FMNL2: variants seen among roughly 807,000 people sequenced by gnomAD.
FMNL2 encodes formin-like protein 2.
FMNL2 carries 51 observed loss-of-function variants against 130.2 expected under a neutral mutation model. That is an observed-to-expected ratio of 0.39 (90% CI 0.31 to 0.49). FMNL2 has a LOEUF of 0.49. Among genes scored for constraint, FMNL2 ranks in the 20% least tolerant of loss-of-function variants. The pLI is 0.85. For synonymous variants in FMNL2, 465 were observed against 467.1 expected, an observed-to-expected ratio of 1.00 and a Z score of 0.06; for missense variants, 977 against 1,316.2, an observed-to-expected ratio of 0.74 and a Z score of 3.99.
In FMNL2 at chr2:152,629,731, G is replaced by T; in HGVS notation, c.2469+7G>T. 1 of 1,601,172 alleles carries T rather than the reference G, an allele frequency of 6.2e-7. No homozygotes were observed. The highest frequency in any genetic ancestry group is 1.1e-5 in the South Asian group (1 of 88,978). On this transcript the variant is annotated splice_region_variant and intron_variant, in intron 19 of 25. Coordinates refer to ENST00000288670, the MANE Select transcript of FMNL2 (RefSeq NM_052905.4). ...ACTCAAGAAAATTCTGGAGGCAAGT[G>T]CAGTTTTTCTTGTAGGTATGAAGGA...
chr2:152,508,227 G>A (rs1174898201), intron 1 of FMNL2, among the ~76,000 whole-genome samples: 2 of 152,150 alleles, frequency 1.3e-5, no homozygotes, highest in Non-Finnish European at 2.9e-5. Flanking sequence ...ACAGACCCCC[G>A]AGATAGGATG....
chr2:152,512,586 A>G (rs1579850097), intron 1 of FMNL2, among the ~76,000 whole-genome samples: 1 of 152,208 alleles, frequency 6.6e-6, no homozygotes, highest in Non-Finnish European at 1.5e-5. Context: ...AAATATGTAC[A>G]TAGTGAGCTC....
At chr2:152,616,485 C>T (rs1698958165) in intron 12 of FMNL2, among the ~76,000 whole-genome samples, 1 of 151,916 alleles carries the variant, frequency 6.6e-6, no homozygotes, top group Non-Finnish European at 1.5e-5. Flanking sequence ...TGTACTCCAC[C>T]ACACCTGGCT....
chr2:152,472,125 G>A (rs914663529), intron 1 of FMNL2, among the ~76,000 whole-genome samples: 1 of 152,266 alleles, frequency 6.6e-6, no homozygotes, highest in Admixed American at 6.5e-5. Flanking sequence ...TCATTGCTTC[G>A]ATTAATATAG....
chr2:152,524,777 G>GT lies in FMNL2; in HGVS notation c.201+2752dup, dbSNP rs1693293481. Among the ~76,000 whole-genome samples the GT allele has an allele frequency of 2.6e-5, 4 of 152,142 alleles. No homozygotes were observed. The South Asian group carries it at 8.3e-4, about 31-fold the overall frequency. ...GGTTTTGGAGCTTTGGCCATTTCCC[G>GT]TAAGTTTAGAACTCTTAGCACAGTG... On this transcript the variant is annotated intron_variant, in intron 2 of 25. Coordinates refer to ENST00000288670, the MANE Select transcript of FMNL2 (RefSeq NM_052905.4).
intron 1 of FMNL2, among the ~76,000 whole-genome samples, chr2:152,453,711 T>C (rs1688783655): frequency 1.3e-5 from 2 of 152,296 alleles, no homozygotes; most frequent in Admixed American, 1.3e-4. Context: ...CTAATTTAGA[T>C]TGTATGCCAT....
intron 1 of FMNL2, among the ~76,000 whole-genome samples, chr2:152,504,570 T>C (rs12992900): frequency 0.12 from 17,581 of 152,138 alleles, 1,583 homozygotes; most frequent in Admixed American, 0.23. Context: ...AAAAACCTGT[T>C]TAGTGTCTCT....
chr2:152,624,197 AC>A (rs1681605355), intron 15 of FMNL2, among the ~76,000 whole-genome samples: 1 of 145,308 alleles, frequency 6.9e-6, no homozygotes, highest in Admixed American at 6.8e-5. Context: ...CGCTCTTGTT[AC>A]CCAGGCTAGA....
rs545180475 is a variant in FMNL2, at chr2:152,613,957, A to T, written c.1063-894A>T. 5.9e-5 allele frequency among the ~76,000 whole-genome samples: 9 copies of T among 152,310 alleles called. No homozygotes were observed. In the South Asian group the frequency reaches 1.7e-3, roughly 28 times the overall value. On this transcript the variant is annotated intron_variant, in intron 11 of 25. Transcript: ENST00000288670. ...GCAGTGAATTGGGGAAAGCTTTCTG[A>T]TCTGCCTTGGGGAGCCCTGAGCTGT...
chr2:152,647,849 C>G lies in FMNL2; in HGVS notation c.3223C>G (p.Arg1075Gly). ...CGATGCGGTGAGGAGAAGCGTCAGG[C>G]GGCGCTTTGATGATCAGAACTTGCG... ...RADAVRRSVR[R>G]RFDDQNLRSV... The change falls in exon 26 of 26, where the codon CGG becomes GGG. Residue 1075 changes from arginine (R) to glycine (G), a missense_variant. Arg to Gly is a moderately radical substitution (Grantham distance 125). Around this residue, in one of 4 missense-constraint regions of FMNL2, gnomAD observed 168 missense variants for 168.8 expected, o/e 1.00. Transcript: ENST00000288670. The G allele has an allele frequency of 6.2e-7, 1 of 1,613,898 alleles. No individual in the cohort carries two copies. The highest frequency in any genetic ancestry group is 8.5e-7 in the Non-Finnish European group (1 of 1,179,852).
intron 1 of FMNL2, among the ~76,000 whole-genome samples, chr2:152,493,755 C>T (rs1486157950): frequency 1.3e-5 from 2 of 152,224 alleles, no homozygotes; most frequent in Non-Finnish European, 2.9e-5. Context: ...GGAGCAGATG[C>T]TGGCACAATG....
In FMNL2 at chr2:152,336,722, A is replaced by T. The variant is rs951858413; in HGVS notation, c.117+1002A>T. Among the ~76,000 whole-genome samples, 3 of 152,092 alleles carry T rather than the reference A, an allele frequency of 2.0e-5. No homozygotes were observed. In the East Asian group the frequency reaches 5.8e-4, roughly 30 times the overall value. ...TTAGTGTCCCAGCCTCTTCTAAGGGATGTTGGGAGGGACACACACAGGCGA... is the reference window on the plus strand; with the variant it reads ...TTAGTGTCCCAGCCTCTTCTAAGGGTTGTTGGGAGGGACACACACAGGCGA... On this transcript the variant is annotated intron_variant, in intron 1 of 25. Coordinates refer to ENST00000288670, the MANE Select transcript of FMNL2 (RefSeq NM_052905.4).
chr2:152,584,943 G>A (rs367628602), intron 9 of FMNL2, among the ~76,000 whole-genome samples: 3 of 152,238 alleles, frequency 2.0e-5, no homozygotes, highest in African/African-American at 7.2e-5. Flanking sequence ...CCAAAGCTTT[G>A]CTTATGGTGG....
At chr2:152,340,237 C>A (rs912909559) in intron 1 of FMNL2, among the ~76,000 whole-genome samples, 2 of 152,236 alleles carry the variant, frequency 1.3e-5, no homozygotes, top group East Asian at 3.9e-4. Context: ...TATTAAATAA[C>A]CAATCTAGTC....
At chr2:152,469,391 C>T (rs1689732531) in intron 1 of FMNL2, among the ~76,000 whole-genome samples, 1 of 152,252 alleles carries the variant, frequency 6.6e-6, no homozygotes, top group South Asian at 2.1e-4. Context: ...GTCAACACCT[C>T]TCATTATCCA....
intron 1 of FMNL2, among the ~76,000 whole-genome samples, chr2:152,489,859 GT>G (rs1299087498): frequency 6.6e-6 from 1 of 152,130 alleles, no homozygotes; most frequent in African/African-American, 2.4e-5. Context: ...ATGACTGATA[GT>G]TTTAATAAAA....
chr2:152,536,528 C>A (rs564675528), intron 2 of FMNL2, among the ~76,000 whole-genome samples: 2 of 152,282 alleles, frequency 1.3e-5, no homozygotes, highest in South Asian at 2.1e-4. Flanking sequence ...ACAAAAACAA[C>A]GCCCTTTAAA....
At chr2:152,381,532 T>C (rs35040542) in intron 1 of FMNL2, among the ~76,000 whole-genome samples, 2,417 of 152,200 alleles carry the variant, frequency 0.016, 60 homozygotes, top group African/African-American at 0.049. Flanking sequence ...GAATGGAAAA[T>C]GGTTTAATAT....
At chr2:152,397,452 G>C (rs1685458668) in intron 1 of FMNL2, among the ~76,000 whole-genome samples, 3 of 152,226 alleles carry the variant, frequency 2.0e-5, no homozygotes, top group African/African-American at 7.2e-5. Context: ...GCACTTTTCA[G>C]AATAAAAAAC....
Sources: allele counts gnomAD v4.1 joint callset (sites outside exome capture counted in the v4.1 genomes callset), GRCh38; gene constraint gnomAD v4.1.1; regional missense constraint gnomAD v4.1.1; transcripts MANE v1.5; gene names NCBI Gene and HGNC (gene_info 2026-07-23, HGNC 2026-07-21).